The following RIT2 variants were observed in gnomAD, a reference collection of about 807,000 sequenced individuals.
The protein encoded by RIT2 is GTP-binding protein Rit2.
In RIT2, 24 loss-of-function variants were observed where a neutral mutation model predicts 23.7. The ratio of observed to expected loss-of-function variants is 1.01; its 90% CI spans 0.73 to 1.43. The LOEUF is 1.43. RIT2 is among the 40% of genes most tolerant of loss of function. The probability of loss-of-function intolerance (pLI) is 0.00; values close to 1 mark genes in which losing one functional copy is unlikely to be tolerated. For missense variants in RIT2, 236 were observed against 266.9 expected, an observed-to-expected ratio of 0.88 and a Z score of 0.81; for synonymous variants, 107 against 91.1, an observed-to-expected ratio of 1.17 and a Z score of -0.99.
At chr18:43,002,728 A>C (rs562751291) in intron 2 of RIT2, among the ~76,000 whole-genome samples, 72 of 152,118 alleles carry the variant, frequency 4.7e-4, no homozygotes, top group African/African-American at 1.6e-3. Context: ...TGTCGGAGGA[A>C]TACTGCTGCC....
chr18:42,982,316 C>T (rs910732037), intron 2 of RIT2, among the ~76,000 whole-genome samples: 2 of 152,078 alleles, frequency 1.3e-5, no homozygotes, highest in South Asian at 2.1e-4. Flanking sequence ...TTGTTCTCTG[C>T]GGGCCCCCAG....
At chr18:43,072,130 T>A (rs1912912909) in intron 1 of RIT2, among the ~76,000 whole-genome samples, 1 of 151,844 alleles carries the variant, frequency 6.6e-6, no homozygotes, top group African/African-American at 2.4e-5. Context: ...AGATTTCAGG[T>A]GAGTGCCACC....
At chr18:42,758,672 C>T (rs538759511) in intron 4 of RIT2, among the ~76,000 whole-genome samples, 1 of 134,350 alleles carries the variant, frequency 7.4e-6, no homozygotes, top group South Asian at 2.5e-4. Context: ...TGCCACTGCA[C>T]CCGGCTAATT....
intron 2 of RIT2, among the ~76,000 whole-genome samples, chr18:43,026,630 A>G (rs57793973): frequency 3.7e-4 from 35 of 94,560 alleles, no homozygotes; most frequent in South Asian, 3.4e-3. Context: ...GAAAGAAAGA[A>G]AGAAAGAGAG....
intron 4 of RIT2, among the ~76,000 whole-genome samples, chr18:42,868,737 A>T (rs766270864): frequency 6.6e-6 from 1 of 152,250 alleles, no homozygotes; most frequent in African/African-American, 2.4e-5. Context: ...AATGACTTAA[A>T]GATGATCAGG....
At chr18:42,977,455 G>A (rs1910500601) in intron 2 of RIT2, among the ~76,000 whole-genome samples, 1 of 151,964 alleles carries the variant, frequency 6.6e-6, no homozygotes, top group Admixed American at 6.6e-5. Flanking sequence ...TCATACTGTT[G>A]ATTGTGAGCC....
chr18:42,841,910 T>C (rs1339312918), intron 4 of RIT2, among the ~76,000 whole-genome samples: 2 of 152,206 alleles, frequency 1.3e-5, no homozygotes, highest in Non-Finnish European at 2.9e-5. Flanking sequence ...TCATAAAGCT[T>C]ATGCCACCCA....
At chr18:42,928,336 A>T (rs756846337) in intron 3 of RIT2, among the ~76,000 whole-genome samples, 2 of 152,082 alleles carry the variant, frequency 1.3e-5, no homozygotes, top group Non-Finnish European at 2.9e-5. Context: ...CAGTTTTCAG[A>T]GGGAAGGCAA....
intron 1 of RIT2, among the ~76,000 whole-genome samples, chr18:43,114,084 A>G (rs1914012758): frequency 6.6e-6 from 1 of 152,102 alleles, no homozygotes; most frequent in Non-Finnish European, 1.5e-5. Flanking sequence ...AAATCATTAT[A>G]TTTAGAGGAG....
intron 4 of RIT2, among the ~76,000 whole-genome samples, chr18:42,891,895 G>T (rs1364962809): frequency 6.6e-6 from 1 of 152,106 alleles, no homozygotes; most frequent in Non-Finnish European, 1.5e-5. Context: ...TGGGCTTAGG[G>T]TAATAACGGT....
In RIT2 at chr18:43,115,618, G is replaced by A; in HGVS notation, c.-99C>T. On this transcript the variant is annotated 5_prime_UTR_variant, in exon 1 of 5. Coordinates refer to ENST00000326695, the MANE Select transcript of RIT2 (RefSeq NM_002930.4). ...ACTCTAAAACTGTGTCAAAGCAAAGGTTTTAGTACGAGGTAAGAACCATCA... is the reference window on the plus strand; with the variant it reads ...ACTCTAAAACTGTGTCAAAGCAAAGATTTTAGTACGAGGTAAGAACCATCA... 1 of 1,472,718 alleles carries A rather than the reference G, an allele frequency of 6.8e-7. No homozygotes were observed. Among genetic ancestry groups the A allele is most frequent in the East Asian group, 2.5e-5 (1 of 40,442 alleles). 91.2% of individuals were successfully genotyped at this position (1,472,718 alleles called of 1,614,324 possible).
chr18:43,091,806 GA>G (rs1339128432), intron 1 of RIT2, among the ~76,000 whole-genome samples: 1 of 152,016 alleles, frequency 6.6e-6, no homozygotes, highest in Non-Finnish European at 1.5e-5. Context: ...TGCAATAATT[GA>G]GGGAAGATTT....
intron 1 of RIT2, among the ~76,000 whole-genome samples, chr18:43,066,293 G>T (rs1240372050): frequency 1.3e-5 from 2 of 152,032 alleles, no homozygotes; most frequent in Non-Finnish European, 2.9e-5. Context: ...TTTATGATTG[G>T]CTATTTAATT....
intron 1 of RIT2, among the ~76,000 whole-genome samples, chr18:43,054,368 C>T (rs1159771610): frequency 6.6e-6 from 1 of 152,018 alleles, no homozygotes; most frequent in Non-Finnish European, 1.5e-5. Context: ...TTAGGAATTT[C>T]ACAAAGAAGA....
At chr18:42,844,051 G>T (rs1009213721) in intron 4 of RIT2, among the ~76,000 whole-genome samples, 32 of 152,152 alleles carry the variant, frequency 2.1e-4, no homozygotes, top group Admixed American at 2.0e-3. Context: ...CATAACAGGG[G>T]TATATGTTTT....
chr18:42,769,526 T>C (rs1023029178), intron 4 of RIT2, among the ~76,000 whole-genome samples: 4 of 152,128 alleles, frequency 2.6e-5, no homozygotes, highest in South Asian at 2.1e-4. Context: ...GATCTTCATA[T>C]TTTGTACCAA....
At chr18:42,791,773 G>C (rs1197059389) in intron 4 of RIT2, among the ~76,000 whole-genome samples, 2 of 151,892 alleles carry the variant, frequency 1.3e-5, no homozygotes, top group African/African-American at 4.8e-5. Flanking sequence ...TTTCCTCAAT[G>C]GTTCAATCTT....
intron 1 of RIT2, among the ~76,000 whole-genome samples, chr18:43,078,172 A>C (rs1321956196): frequency 6.6e-6 from 1 of 152,042 alleles, no homozygotes; most frequent in Non-Finnish European, 1.5e-5. Flanking sequence ...TCAGTGTTTA[A>C]TTTTCTAATT....
chr18:42,744,311 C>T lies in RIT2; in HGVS notation c.427-591G>A, dbSNP rs900771874. Among the ~76,000 whole-genome samples, 7 of 152,172 alleles carry T rather than the reference C, an allele frequency of 4.6e-5. No individual in the cohort carries two copies. In the East Asian group the frequency reaches 1.4e-3, roughly 29 times the overall value. ...CATGGACGCACATGAAACTGTGGAC[C>T]TCAGTCACATTTAAAAATATATAGC... On this transcript the variant is annotated intron_variant, in intron 4 of 4. Transcript: ENST00000326695.
Sources: allele counts gnomAD v4.1 joint callset (sites outside exome capture counted in the v4.1 genomes callset), GRCh38; gene constraint gnomAD v4.1.1; transcripts MANE v1.5; gene names NCBI Gene and HGNC (gene_info 2026-07-23, HGNC 2026-07-21).